STRBP: variants seen among roughly 807,000 people sequenced by gnomAD.
STRBP encodes spermatid perinuclear RNA-binding protein.
STRBP carries 13 observed loss-of-function variants against 80.1 expected under a neutral mutation model. The observed-to-expected ratio is 0.16, with a 90% CI of 0.11 to 0.26. The LOEUF is 0.26. Ranked by LOEUF, STRBP falls within the 10% of genes least tolerant of loss-of-function variation. STRBP has a pLI of 1.00. For synonymous variants in STRBP, 284 were observed against 291.2 expected (o/e 0.98, Z 0.25); for missense variants, 485 against 815.2 (o/e 0.59, Z 4.93).
intron 2 of STRBP, among the ~76,000 whole-genome samples, chr9:123,207,608 T>C (rs1206091859): frequency 6.6e-6 from 1 of 152,172 alleles, no homozygotes; most frequent in Admixed American, 6.5e-5. Flanking sequence ...AGGGGAGGGA[T>C]AGCATTCGGA....
rs1270276734 is a variant in STRBP at position 123,123,893 on chromosome 9, C to G, written c.*1704G>C. On this transcript the variant is annotated 3_prime_UTR_variant, in exon 19 of 19. Coordinates refer to ENST00000348403, the MANE Select transcript of STRBP (RefSeq NM_018387.5). ...AACGCATCAATGAAACATGAAAACT[C>G]CCAGCTGAAATGGGCCCTCTTGTTT... 5.1e-6 allele frequency: 5 copies of G among 985,312 alleles called. No homozygotes were observed. In the African/African-American group the frequency reaches 7.0e-5, roughly 14 times the overall value. The allele number at this position is 985,312 out of a possible 1,614,324, so 61.0% of individuals were successfully genotyped here.
intron 2 of STRBP, among the ~76,000 whole-genome samples, chr9:123,195,380 G>A (rs945574984): frequency 6.6e-6 from 1 of 152,114 alleles, no homozygotes; most frequent in Non-Finnish European, 1.5e-5. Flanking sequence ...GAAATAAGGA[G>A]CATTCAAATT....
At position 123,158,448 on chromosome 9, in the gene STRBP, A is replaced by G. The variant is rs2132390384; in HGVS notation, c.836-19T>C. On this transcript the variant is annotated intron_variant, in intron 9 of 18. Coordinates refer to ENST00000348403, the MANE Select transcript of STRBP (RefSeq NM_018387.5). ...GGACCCCCTTTGGCAAAGGAAAAAC[A>G]CAAGTATCATTTAGAACTGAGTTTA... is the stretch of plus-strand genomic sequence containing the variant. 1 of 1,607,920 alleles carries G rather than the reference A, an allele frequency of 6.2e-7. No homozygotes were observed.
chr9:123,171,441 G>A (rs1285728657), intron 5 of STRBP, among the ~76,000 whole-genome samples: 1 of 152,158 alleles, frequency 6.6e-6, no homozygotes, highest in African/African-American at 2.4e-5. Context: ...TCGTATCAGA[G>A]ACTGGTTTTC....
At chr9:123,214,143 T>TATAC (rs2039811887) in intron 2 of STRBP, among the ~76,000 whole-genome samples, 1 of 124,922 alleles carries the variant, frequency 8.0e-6, no homozygotes, top group Non-Finnish European at 1.6e-5. Flanking sequence ...TATATATATG[T>TATAC]ATACACACAC....
chr9:123,154,496 C>A (rs927574811), intron 11 of STRBP, among the ~76,000 whole-genome samples: 2 of 152,148 alleles, frequency 1.3e-5, no homozygotes, highest in Non-Finnish European at 1.5e-5. Context: ...AAGGATAAAA[C>A]GGATGGCTTC....
At position 123,121,756 on chromosome 9, in the gene STRBP, T is replaced by C. The variant is rs2035741534; in HGVS notation, c.*3841A>G. 1 of 152,190 alleles carries C rather than the reference T, an allele frequency of 6.6e-6. No homozygotes were observed. Among genetic ancestry groups the C allele is most frequent in the Non-Finnish European group, 1.5e-5 (1 of 68,046 alleles). 9.4% of individuals were successfully genotyped at this position (152,190 alleles called of 1,614,324 possible). The stretch of plus-strand genomic sequence containing the variant: ...AGAAATTGGCACTTTGATCCTCAGC[T>C]TGTGTAACAGCTTACACATACAGAT... On this transcript the variant is annotated 3_prime_UTR_variant, in exon 19 of 19. Coordinates refer to ENST00000348403, the MANE Select transcript of STRBP (RefSeq NM_018387.5).
chr9:123,264,927 G>C (rs1387744386), intron 1 of STRBP, among the ~76,000 whole-genome samples: 1 of 152,180 alleles, frequency 6.6e-6, no homozygotes, highest in African/African-American at 2.4e-5. Flanking sequence ...GGCTATGTTG[G>C]AGAGAACTTT....
intron 1 of STRBP, among the ~76,000 whole-genome samples, chr9:123,238,541 A>G (rs1317626871): frequency 6.6e-6 from 1 of 152,232 alleles, no homozygotes; most frequent in Non-Finnish European, 1.5e-5. Context: ...TATAGTGACT[A>G]AGAGAGAACA....
At chr9:123,177,216 C>G (rs1285486991) in intron 4 of STRBP, among the ~76,000 whole-genome samples, 1 of 152,184 alleles carries the variant, frequency 6.6e-6, no homozygotes, top group Non-Finnish European at 1.5e-5. Flanking sequence ...CACCCAGGGA[C>G]TGTTCCACAA....
intron 6 of STRBP, among the ~76,000 whole-genome samples, chr9:123,163,910 T>C (rs2037636669): frequency 1.3e-5 from 2 of 152,076 alleles, no homozygotes; most frequent in African/African-American, 4.8e-5. Flanking sequence ...TTAGAAACAA[T>C]AGAACTGTGA....
At position 123,146,922 on chromosome 9, in the gene STRBP, A is replaced by G. The variant is rs750437097; in HGVS notation, c.1271T>C (p.Val424Ala). Residue 424 changes from valine to alanine, a missense_variant, in exon 13 of 19, where the codon GTG (valine) becomes GCG (alanine). Transcript: ENST00000348403. ...HAPVFTMSVD[V>A]DGTTYEASGP... ...TGAGGCTTCATATGTTGTGCCATCC[A>G]CATCTACAGACATTGTGAAGACTGG... 2 of 1,614,118 alleles carry G rather than the reference A, an allele frequency of 1.2e-6. No homozygotes were observed. The highest frequency in any genetic ancestry group is 1.7e-6 in the Non-Finnish European group (2 of 1,180,010).
intron 1 of STRBP, among the ~76,000 whole-genome samples, chr9:123,261,369 A>T (rs145729084): frequency 1.1e-3 from 163 of 152,246 alleles, no homozygotes; most frequent in African/African-American, 3.9e-3. Context: ...TTGATATACA[A>T]CTTCTCAGTG....
In STRBP at chr9:123,124,996, A is replaced by G; in HGVS notation, c.*601T>C. ...AGTTATTAGTTTTCAATTCCTTGTA[A>G]TTTGATACCAAAACATATCAAAAAT... On this transcript the variant is annotated 3_prime_UTR_variant, in exon 19 of 19. Transcript: ENST00000348403. 5 of 985,684 alleles carry G rather than the reference A, an allele frequency of 5.1e-6. No individual in the cohort carries two copies. The highest frequency in any genetic ancestry group is 6.0e-6 in the Non-Finnish European group (5 of 829,742). 61.1% of individuals were successfully genotyped at this position (985,684 alleles called of 1,614,324 possible).
At chr9:123,267,624 G>C (rs2041299379) in intron 1 of STRBP, among the ~76,000 whole-genome samples, 1 of 151,370 alleles carries the variant, frequency 6.6e-6, no homozygotes. Flanking sequence ...TAGGCACCCT[G>C]CTCCCCTCCC....
rs763941127 is a variant in STRBP at position 123,252,365 on chromosome 9, T to G, written c.-301-15399A>C. Among the ~76,000 whole-genome samples, 73 of 152,186 alleles carry G rather than the reference T, an allele frequency of 4.8e-4. 1 individual carries two copies. Among genetic ancestry groups the G allele is most frequent in the Admixed American group, 3.9e-4 (6 of 15,280 alleles). ...ACAGAGCTGTAACATAAGATATTCA[T>G]TTTAAAAGAGGAAAGGTCTTACAGC... On this transcript the variant is annotated intron_variant, in intron 1 of 18. Transcript: ENST00000348403.
intron 2 of STRBP, among the ~76,000 whole-genome samples, chr9:123,227,895 T>C (rs2040289433): frequency 6.6e-6 from 1 of 152,190 alleles, no homozygotes; most frequent in Non-Finnish European, 1.5e-5. Context: ...TTCTGGCTAC[T>C]GTGTTGAGCT....
chr9:123,253,716 T>C (rs1283386005), intron 1 of STRBP, among the ~76,000 whole-genome samples: 4 of 152,252 alleles, frequency 2.6e-5, no homozygotes, highest in African/African-American at 4.8e-5. Context: ...ACATTCTTTT[T>C]TGATGTTGCT....
At chr9:123,259,558 A>C (rs930725521) in intron 1 of STRBP, among the ~76,000 whole-genome samples, 7 of 152,114 alleles carry the variant, frequency 4.6e-5, no homozygotes, top group African/African-American at 7.2e-5. Context: ...AAATACAAAA[A>C]ATTAGCTGGG....
Sources: allele counts gnomAD v4.1 joint callset (sites outside exome capture counted in the v4.1 genomes callset), GRCh38; gene constraint gnomAD v4.1.1; transcripts MANE v1.5; gene names NCBI Gene and HGNC (gene_info 2026-07-23, HGNC 2026-07-21).